The following UGT1A8 variants were observed in gnomAD, a reference collection of about 807,000 sequenced individuals.
UGT1A8 encodes the protein UDP glucuronosyltransferase family 1 member A8.
Under a neutral mutation model 45.3 loss-of-function variants are expected in UGT1A8, and 39 were observed. That is an observed-to-expected ratio of 0.86 (90% CI 0.67 to 1.12). The LOEUF is 1.12. Among genes scored for constraint, UGT1A8 ranks in the 50% most tolerant of loss-of-function variants. UGT1A8 has a pLI of 0.00. For synonymous variants in UGT1A8, 275 were observed against 249.2 expected (o/e 1.10, Z -0.97); for missense variants, 719 against 664.9 (o/e 1.08, Z -0.90).
In UGT1A8 at chr2:233,618,372, AT is replaced by A; in HGVS notation, c.670del (p.Ser224ProfsTer5). ...MHLEEHLFCQ[Y>X]FSKNALEIAS... ...TTGGAGGAACATTTATTTTGCCAGT[AT>A]TTTTCCAAAAATGCCCTAGAAATAG... On this transcript the variant is annotated frameshift_variant, in exon 1 of 5. Transcript: ENST00000373450. LOFTEE classifies it high-confidence loss of function. The A allele has an allele frequency of 3.7e-6, 6 of 1,613,888 alleles. No homozygotes were observed. Among genetic ancestry groups the A allele is most frequent in the Non-Finnish European group, 5.1e-6 (6 of 1,179,840 alleles).
At chr2:233,668,336 C>T (rs1232492999) in intron 1 of UGT1A8, among the ~76,000 whole-genome samples, 1 of 152,194 alleles carries the variant, frequency 6.6e-6, no homozygotes, top group Non-Finnish European at 1.5e-5. Context: ...ATAGTTTGCT[C>T]AGAATGATGG....
chr2:233,675,981 TA>T (rs113395293), intron 1 of UGT1A8, among the ~76,000 whole-genome samples: 2 of 152,306 alleles, frequency 1.3e-5, no homozygotes, highest in African/African-American at 4.8e-5. Flanking sequence ...CATCTTTCCA[TA>T]CAGATCAATG....
chr2:233,756,694 GA>G (rs888439018), intron 1 of UGT1A8, among the ~76,000 whole-genome samples: 3 of 152,120 alleles, frequency 2.0e-5, no homozygotes, highest in Non-Finnish European at 2.9e-5. Flanking sequence ...TAATGACGAT[GA>G]ATTTTGGGGG....
chr2:233,693,023 T>A (rs6759892), intron 1 of UGT1A8: 4 of 1,613,804 alleles, frequency 2.5e-6, no homozygotes, highest in Non-Finnish European at 3.4e-6. Context: ...CCTCCTTCGC[T>A]CATTTCAGAG....
chr2:233,625,980 C>A (rs915566320), intron 1 of UGT1A8, among the ~76,000 whole-genome samples: 6 of 151,954 alleles, frequency 3.9e-5, no homozygotes, highest in Admixed American at 2.6e-4. Flanking sequence ...AGGTCTCCAT[C>A]CTCATCATCT....
chr2:233,633,244 T>C (rs1285695828), intron 1 of UGT1A8, among the ~76,000 whole-genome samples: 1 of 152,210 alleles, frequency 6.6e-6, no homozygotes, highest in African/African-American at 2.4e-5. Context: ...GCCATCGATG[T>C]TCATCAGAGA....
intron 1 of UGT1A8, among the ~76,000 whole-genome samples, chr2:233,618,912 A>T (rs2072950467): frequency 6.6e-6 from 1 of 152,130 alleles, no homozygotes; most frequent in Non-Finnish European, 1.5e-5. Context: ...TTTTGCATAC[A>T]TTCTTTTCAT....
chr2:233,726,571 G>C (rs949058531), intron 1 of UGT1A8, among the ~76,000 whole-genome samples: 3 of 152,106 alleles, frequency 2.0e-5, no homozygotes, highest in African/African-American at 7.2e-5. Context: ...TCTTACGCCT[G>C]TCTCCTTCAC....
At chr2:233,695,498 T>G (rs2075292500) in intron 1 of UGT1A8, among the ~76,000 whole-genome samples, 1 of 152,042 alleles carries the variant, frequency 6.6e-6, no homozygotes, top group Non-Finnish European at 1.5e-5. Flanking sequence ...CTATCAAAGT[T>G]TTTGGAGTAT....
intron 1 of UGT1A8, chr2:233,719,512 A>G: frequency 6.2e-7 from 1 of 1,613,910 alleles, no homozygotes; most frequent in Non-Finnish European, 8.5e-7. Context: ...TCTGCCCCTT[A>G]TGCAAGTCTT....
At chr2:233,698,293 T>A (rs1294389831) in intron 1 of UGT1A8, among the ~76,000 whole-genome samples, 2 of 152,252 alleles carry the variant, frequency 1.3e-5, no homozygotes, top group Non-Finnish European at 2.9e-5. Context: ...AAAAAAAATG[T>A]GTCTTTGGAC....
At chr2:233,674,042 G>T (rs2074271544) in intron 1 of UGT1A8, among the ~76,000 whole-genome samples, 1 of 152,182 alleles carries the variant, frequency 6.6e-6, no homozygotes, top group South Asian at 2.1e-4. Context: ...CAAATGTGTA[G>T]TTGGCTGAAT....
At chr2:233,738,545 C>T (rs1690821888) in intron 1 of UGT1A8, among the ~76,000 whole-genome samples, 1 of 152,164 alleles carries the variant, frequency 6.6e-6, no homozygotes, top group South Asian at 2.1e-4. Flanking sequence ...GGCTGAGTCT[C>T]AGATAGAGAT....
chr2:233,634,612 G>A (rs1394704231), intron 1 of UGT1A8, among the ~76,000 whole-genome samples: 1 of 152,084 alleles, frequency 6.6e-6, no homozygotes, highest in Non-Finnish European at 1.5e-5. Flanking sequence ...TTTTATCAGA[G>A]ACTAGATTGC....
intron 1 of UGT1A8, among the ~76,000 whole-genome samples, chr2:233,664,309 T>G (rs2074032862): frequency 6.6e-6 from 1 of 152,224 alleles, no homozygotes; most frequent in African/African-American, 2.4e-5. Flanking sequence ...AACGTCTGCC[T>G]GCTACCAAGT....
At chr2:233,692,965 A>G in intron 1 of UGT1A8, 1 of 1,610,184 alleles carries the variant, frequency 6.2e-7, no homozygotes, top group African/African-American at 1.3e-5. Flanking sequence ...TTGGAGAGTG[A>G]AAACTCTTTA....
At chr2:233,748,096 T>A in intron 1 of UGT1A8, 1 of 1,612,812 alleles carries the variant, frequency 6.2e-7, no homozygotes, top group Non-Finnish European at 8.5e-7. Flanking sequence ...GTTCGTGCCT[T>A]CATCCAATCA....
At chr2:233,676,077 A>G (rs2074345322) in intron 1 of UGT1A8, among the ~76,000 whole-genome samples, 2 of 152,200 alleles carry the variant, frequency 1.3e-5, no homozygotes, top group South Asian at 4.1e-4. Context: ...CAAGTGTGTC[A>G]AGATCATTCA....
At chr2:233,719,723 G>T (rs2076800151) in intron 1 of UGT1A8, 9 of 1,613,628 alleles carry the variant, frequency 5.6e-6, no homozygotes, top group Non-Finnish European at 6.8e-6. Flanking sequence ...CAATGTTCCA[G>T]GCAAAACACT....
Sources: allele counts gnomAD v4.1 joint callset (sites outside exome capture counted in the v4.1 genomes callset), GRCh38; gene constraint gnomAD v4.1.1; transcripts MANE v1.5; gene names NCBI Gene and HGNC (gene_info 2026-07-23, HGNC 2026-07-21).